The following BCAR3 variants were observed in gnomAD, a reference collection of about 807,000 sequenced individuals.
BCAR3 encodes breast cancer anti-estrogen resistance protein 3.
A neutral mutation model predicts 80.1 loss-of-function variants in BCAR3; 37 were observed. The ratio of observed to expected loss-of-function variants is 0.46; its 90% CI spans 0.36 to 0.61. The LOEUF (loss-of-function observed/expected upper bound fraction) is 0.61. Among genes scored for constraint, BCAR3 ranks in the 20% least tolerant of loss-of-function variants. The pLI, the probability that BCAR3 is intolerant of heterozygous loss-of-function variation, is 0.00. For missense variants in BCAR3, 978 were observed against 1,068.2 expected (o/e 0.92, Z 1.18); for synonymous variants, 389 against 418.9 (o/e 0.93, Z 0.87).
chr1:93,570,589 C>T (rs750774998), intron 9 of BCAR3, among the ~76,000 whole-genome samples: 8 of 152,280 alleles, frequency 5.3e-5, no homozygotes, highest in Middle Eastern at 3.4e-3. Flanking sequence ...GTTTCAGAAA[C>T]GGTAATTAGG....
At chr1:93,573,456 G>T (rs999205138) in intron 8 of BCAR3, among the ~76,000 whole-genome samples, 1 of 151,862 alleles carries the variant, frequency 6.6e-6, no homozygotes, top group African/African-American at 2.4e-5. Context: ...AATAGCAGTT[G>T]TTACTAGAGT....
At chr1:93,669,358 C>G (rs1445930060) in intron 2 of BCAR3, among the ~76,000 whole-genome samples, 1 of 152,142 alleles carries the variant, frequency 6.6e-6, no homozygotes, top group Non-Finnish European at 1.5e-5. Context: ...GATTCTGGAC[C>G]TTACATCTTT....
chr1:93,796,464 C>T (rs979475083), intron 2 of BCAR3, among the ~76,000 whole-genome samples: 8 of 148,570 alleles, frequency 5.4e-5, no homozygotes, highest in African/African-American at 2.1e-4. Context: ...AAGGGAACTC[C>T]CTGACCCCTT....
intron 2 of BCAR3, among the ~76,000 whole-genome samples, chr1:93,660,098 G>A (rs943568519): frequency 2.0e-4 from 30 of 151,624 alleles, no homozygotes; most frequent in African/African-American, 6.1e-4. Context: ...TCTAATACGC[G>A]GAAGACCTAG....
rs184630791 is a variant in BCAR3, at chr1:93,844,199, T to C, written c.-63+1368A>G. ...GCACGTGCCTGTAATCCCAGCTACT[T>C]AGGAGGCTGAGGCAGGAGAATTGCT... On this transcript the variant is annotated intron_variant, in intron 2 of 13. Transcript: ENST00000370244. Among the ~76,000 whole-genome samples, 188 of 152,082 alleles carry C rather than the reference T, an allele frequency of 1.2e-3. 2 individuals carry two copies. The highest frequency in any genetic ancestry group is 4.4e-3 in the African/African-American group (184 of 41,474).
intron 2 of BCAR3, among the ~76,000 whole-genome samples, chr1:93,771,951 G>C (rs1348621255): frequency 6.6e-6 from 1 of 152,180 alleles, no homozygotes; most frequent in Admixed American, 6.5e-5. Context: ...GCCCTCTGCT[G>C]TGGCCAGAGC....
chr1:93,722,160 G>T (rs1018845870), intron 2 of BCAR3, among the ~76,000 whole-genome samples: 5 of 152,152 alleles, frequency 3.3e-5, no homozygotes, highest in African/African-American at 1.2e-4. Context: ...CAGGCCTATG[G>T]AAGGGAGGGC....
intron 1 of BCAR3, chr1:93,681,330 T>C (rs2101955739): frequency 6.7e-6 from 1 of 148,814 alleles, no homozygotes; most frequent in African/African-American, 2.5e-5. Flanking sequence ...CGCTGAGCGC[T>C]CCCCGCCGTG....
chr1:93,721,760 C>G (rs1332412465), intron 2 of BCAR3, among the ~76,000 whole-genome samples: 1 of 152,180 alleles, frequency 6.6e-6, no homozygotes, highest in Non-Finnish European at 1.5e-5. Context: ...CCACTGCTCA[C>G]CTCCTGAGAG....
At chr1:93,780,412 T>C (rs981629176) in intron 2 of BCAR3, among the ~76,000 whole-genome samples, 1 of 152,204 alleles carries the variant, frequency 6.6e-6, no homozygotes, top group Non-Finnish European at 1.5e-5. Context: ...CTGATGATTC[T>C]CTTAAAACTC....
intron 2 of BCAR3, among the ~76,000 whole-genome samples, chr1:93,790,633 C>CTTT (rs1653113294): frequency 1.2e-5 from 1 of 84,186 alleles, no homozygotes; most frequent in African/African-American, 6.4e-5. Context: ...TTTTTGTATT[C>CTTT]ATTTTTTTTT....
At chr1:93,721,066 C>T (rs1036608911) in intron 2 of BCAR3, among the ~76,000 whole-genome samples, 12 of 152,160 alleles carry the variant, frequency 7.9e-5, no homozygotes, top group African/African-American at 2.4e-4. Flanking sequence ...CCACTGGTAG[C>T]GGCTAGATTG....
At position 93,642,184 on chromosome 1, in the gene BCAR3, T is replaced by C. The variant is rs1028776627; in HGVS notation, c.357+120A>G. ...GAGTCAAATTTCCTCCCTGTTGTTT[T>C]GGAGAGTCTAATCAGCTTTTTACAC... On this transcript the variant is annotated intron_variant, in intron 3 of 11. Transcript: ENST00000260502. The C allele has an allele frequency of 6.9e-6, 8 of 1,152,528 alleles. No individual in the cohort carries two copies. The African/African-American group carries it at 9.2e-5, about 13-fold the overall frequency. The allele number at this position is 1,152,528 out of a possible 1,614,324, so 71.4% of individuals were successfully genotyped here.
At chr1:93,629,551 T>C (rs1053637185) in intron 3 of BCAR3, among the ~76,000 whole-genome samples, 3 of 152,212 alleles carry the variant, frequency 2.0e-5, no homozygotes, top group Non-Finnish European at 4.4e-5. Context: ...CTTTCTGAAG[T>C]TGAATACAAG....
intron 2 of BCAR3, among the ~76,000 whole-genome samples, chr1:93,774,070 A>G (rs1214319367): frequency 1.3e-5 from 2 of 152,214 alleles, no homozygotes; most frequent in South Asian, 2.1e-4. Context: ...ATAACTATCA[A>G]TTGGCCACAT....
intron 3 of BCAR3, among the ~76,000 whole-genome samples, chr1:93,607,935 C>T (rs1674826976): frequency 6.6e-6 from 1 of 152,212 alleles, no homozygotes; most frequent in Middle Eastern, 3.2e-3. Context: ...TCACCTCTGT[C>T]TTCCCCCTCC....
intron 2 of BCAR3, among the ~76,000 whole-genome samples, chr1:93,656,447 TA>T (rs1316993613): frequency 6.6e-6 from 1 of 152,132 alleles, no homozygotes; most frequent in Non-Finnish European, 1.5e-5. Context: ...CATTGGGTTT[TA>T]TATTTTTATT....
chr1:93,589,439 G>GT lies in BCAR3; in HGVS notation c.487-21dup, dbSNP rs749061849. On this transcript the variant is annotated intron_variant, in intron 4 of 11. Transcript: ENST00000260502. ...AGACACCTTTGGGACAAAAAGGTGA[G>GT]TGAGGAGTAGGAAAGGCAAATTCAC... 3.1e-6 allele frequency: 5 copies of GT among 1,592,166 alleles called. No homozygotes were observed. Among genetic ancestry groups the GT allele is most frequent in the African/African-American group, 1.3e-5 (1 of 74,644 alleles).
chr1:93,571,862 G>A (rs766797660), intron 8 of BCAR3, 21 bp from the exon 9 acceptor site: 27 of 1,606,920 alleles, frequency 1.7e-5, no homozygotes, highest in East Asian at 1.3e-4. Context: ...GGAGATCAGC[G>A]GTCAGGTTCA....
Sources: gnomAD v4.1 joint callset for allele counts (sites outside exome capture counted in the v4.1 genomes callset) on GRCh38, gnomAD v4.1.1 for gene constraint, MANE v1.5 for transcripts, NCBI Gene and HGNC (gene_info 2026-07-23, HGNC 2026-07-21) for gene names.